Variants in RIMS2 observed in about 807,000 individuals in gnomAD.
The protein encoded by RIMS2 is regulating synaptic membrane exocytosis 2.
RIMS2 carries 59 observed loss-of-function variants against 174.4 expected under a neutral mutation model. The observed-to-expected ratio is 0.34, with a 90% CI of 0.27 to 0.42. The LOEUF is 0.42. RIMS2 is among the 10% of genes least tolerant of loss of function. The pLI is 1.00. For synonymous variants in RIMS2, 606 were observed against 572.5 expected, an observed-to-expected ratio of 1.06 and a Z score of -0.84; for missense variants, 1,620 against 1,666.3, an observed-to-expected ratio of 0.97 and a Z score of 0.48.
At chr8:104,035,799 T>C (rs1246966958) in intron 19 of RIMS2, among the ~76,000 whole-genome samples, 1 of 152,162 alleles carries the variant, frequency 6.6e-6, no homozygotes, top group Non-Finnish European at 1.5e-5. Context: ...TTCTTGGTCA[T>C]TATCAGCAGC....
intron 1 of RIMS2, among the ~76,000 whole-genome samples, chr8:103,566,178 GCTTGT>G (rs2092326874): frequency 6.6e-6 from 1 of 152,282 alleles, no homozygotes; most frequent in African/African-American, 2.4e-5. Context: ...GTTAGATCTA[GCTTGT>G]CTTAACTGGT....
chr8:103,924,763 AC>A (rs1359611037), intron 10 of RIMS2, among the ~76,000 whole-genome samples: 2 of 151,720 alleles, frequency 1.3e-5, no homozygotes, highest in African/African-American at 4.8e-5. Flanking sequence ...TTATAAAAAA[AC>A]ATGTAATGTA....
At chr8:104,070,111 A>G (rs2154561509) in intron 19 of RIMS2, among the ~76,000 whole-genome samples, 1 of 152,312 alleles carries the variant, frequency 6.6e-6, no homozygotes, top group Admixed American at 6.5e-5. Context: ...AGTAAAGCAT[A>G]AGTGGCTATG....
At chr8:104,255,859 A>G (rs1429849056), downstream of RIMS2, 1 of 152,216 alleles carries the variant, frequency 6.6e-6, no homozygotes, top group African/African-American at 2.4e-5. Flanking sequence ...AATTTTTTTA[A>G]GTGAACAAAC....
At chr8:104,155,707 C>T (rs998729236) in intron 19 of RIMS2, among the ~76,000 whole-genome samples, 2 of 152,150 alleles carry the variant, frequency 1.3e-5, no homozygotes, top group Non-Finnish European at 2.9e-5. Context: ...GCCACTGCGC[C>T]GGCCTTGGGG....
At chr8:103,559,833 G>C (rs2091292904) in intron 1 of RIMS2, among the ~76,000 whole-genome samples, 1 of 152,158 alleles carries the variant, frequency 6.6e-6, no homozygotes, top group Admixed American at 6.5e-5. Flanking sequence ...AAGGGCTGTT[G>C]GTTACTCACA....
At chr8:103,886,393 T>C (rs1244101610) in intron 4 of RIMS2, among the ~76,000 whole-genome samples, 170 bp downstream of exon 7, 1 of 151,970 alleles carries the variant, frequency 6.6e-6, no homozygotes, top group Non-Finnish European at 1.5e-5. Context: ...AAGTATCTTC[T>C]GTTGTTCATG....
chr8:104,190,116 A>G (rs2136320081), intron 19 of RIMS2, among the ~76,000 whole-genome samples: 1 of 152,138 alleles, frequency 6.6e-6, no homozygotes, highest in South Asian at 2.1e-4. Context: ...CAGCCTGACA[A>G]CATAATAAGA....
intron 1 of RIMS2, among the ~76,000 whole-genome samples, chr8:103,665,707 C>T (rs541207421): frequency 2.0e-5 from 3 of 152,198 alleles, no homozygotes; most frequent in South Asian, 2.1e-4. Flanking sequence ...TCCCTGTTTT[C>T]CCCCCATGCA....
At chr8:104,217,609 C>T (rs2099136561) in intron 19 of RIMS2, among the ~76,000 whole-genome samples, 1 of 152,122 alleles carries the variant, frequency 6.6e-6, no homozygotes. Flanking sequence ...ATGAAAGTTT[C>T]GGGTCGACCA....
At chr8:104,247,704 G>C (rs187405591) in intron 20 of RIMS2, among the ~76,000 whole-genome samples, 6 of 152,266 alleles carry the variant, frequency 3.9e-5, no homozygotes, top group African/African-American at 1.4e-4. Context: ...GTTTGCAGTC[G>C]GGGGACAGGA....
intron 1 of RIMS2, among the ~76,000 whole-genome samples, chr8:103,546,614 T>C (rs550561651): frequency 3.4e-4 from 52 of 152,300 alleles, no homozygotes; most frequent in African/African-American, 1.2e-3. Context: ...TACTCTAAAA[T>C]TGACCACACA....
chr8:104,201,916 A>G (rs1190610915), intron 19 of RIMS2, among the ~76,000 whole-genome samples: 1 of 152,202 alleles, frequency 6.6e-6, no homozygotes, highest in Non-Finnish European at 1.5e-5. Context: ...AACAGTTTTC[A>G]TTTTAAAATA....
intron 16 of RIMS2, among the ~76,000 whole-genome samples, chr8:103,982,500 A>C (rs1461561588): frequency 6.6e-6 from 1 of 151,826 alleles, no homozygotes; most frequent in Non-Finnish European, 1.5e-5. Context: ...CCAAAAAAAA[A>C]AAAAAATACT....
chr8:104,057,903 A>AT (rs1179925517), intron 19 of RIMS2, among the ~76,000 whole-genome samples: 8 of 151,552 alleles, frequency 5.3e-5, no homozygotes, highest in South Asian at 2.1e-4. Flanking sequence ...TGAACTCATC[A>AT]TTTTTTATGG....
chr8:104,027,828 A>G (rs2096287413), intron 19 of RIMS2, among the ~76,000 whole-genome samples: 1 of 152,186 alleles, frequency 6.6e-6, no homozygotes, highest in Admixed American at 6.6e-5. Context: ...TAAACCACCT[A>G]ATAGAAGGTC....
chr8:104,143,234 A>G (rs1395810745), intron 19 of RIMS2, among the ~76,000 whole-genome samples: 3 of 152,248 alleles, frequency 2.0e-5, no homozygotes, highest in South Asian at 2.1e-4. Flanking sequence ...GCCTAAAATC[A>G]TAGATGGTAA....
chr8:103,701,622 A>G (rs886077060), intron 2 of RIMS2, among the ~76,000 whole-genome samples: 1 of 151,952 alleles, frequency 6.6e-6, no homozygotes, highest in Non-Finnish European at 1.5e-5. Flanking sequence ...CATTCTATTT[A>G]CTACCTGCAT....
chr8:103,606,281 G>A (rs1200360362), intron 1 of RIMS2, among the ~76,000 whole-genome samples: 1 of 150,008 alleles, frequency 6.7e-6, no homozygotes, highest in South Asian at 2.2e-4. Context: ...TCAGGAGCAG[G>A]TTGTTCAGTT....
Sources: gnomAD v4.1 joint callset for allele counts (sites outside exome capture counted in the v4.1 genomes callset) on GRCh38, gnomAD v4.1.1 for gene constraint, MANE v1.5 for transcripts, NCBI Gene and HGNC (gene_info 2026-07-23, HGNC 2026-07-21) for gene names.